The following ERGIC1 variants were observed in gnomAD, a reference collection of about 807,000 sequenced individuals.
ERGIC1 encodes endoplasmic reticulum-Golgi intermediate compartment protein 1.
A neutral mutation model predicts 38.3 loss-of-function variants in ERGIC1; 19 were observed. The ratio of observed to expected loss-of-function variants is 0.50; its 90% confidence interval spans 0.35 to 0.73. The LOEUF (loss-of-function observed/expected upper bound fraction) is 0.73, where lower values mean the gene tolerates loss of function less well. ERGIC1 is among the 30% of genes least tolerant of loss of function. The pLI is 0.01. For missense variants in ERGIC1, 294 were observed against 389.2 expected (o/e 0.76, Z 2.06); for synonymous variants, 124 against 157.6 (o/e 0.79, Z 1.60).
chr5:172,869,641 A>C (rs1312633992), intron 1 of ERGIC1, among the ~76,000 whole-genome samples: 2 of 152,234 alleles, frequency 1.3e-5, no homozygotes, highest in Non-Finnish European at 2.9e-5. Context: ...GAATCACTGT[A>C]AAAATCAAAT....
intron 1 of ERGIC1, among the ~76,000 whole-genome samples, chr5:172,843,489 A>G (rs1194144239): frequency 6.6e-6 from 1 of 152,316 alleles, no homozygotes; most frequent in East Asian, 1.9e-4. Flanking sequence ...TTTCACACCA[A>G]CATATAGAAT....
intron 1 of ERGIC1, among the ~76,000 whole-genome samples, chr5:172,836,352 C>G (rs548455604): frequency 3.3e-5 from 5 of 152,314 alleles, no homozygotes; most frequent in Admixed American, 3.3e-4. Context: ...AAATGCTCAG[C>G]TCTGAGAAGC....
At chr5:172,903,944 C>T (rs1762953558) in intron 3 of ERGIC1, among the ~76,000 whole-genome samples, 1 of 148,920 alleles carries the variant, frequency 6.7e-6, no homozygotes, top group African/African-American at 2.5e-5. Context: ...AATCGGCCCT[C>T]AAGAGAGAGA....
intron 9 of ERGIC1, among the ~76,000 whole-genome samples, chr5:172,949,105 T>TC (rs2113498175): frequency 6.6e-6 from 1 of 152,310 alleles, no homozygotes; most frequent in South Asian, 2.1e-4. Context: ...TCTTCCATCA[T>TC]CCATGCTTTG....
chr5:172,897,517 C>T (rs934915750), intron 3 of ERGIC1, among the ~76,000 whole-genome samples: 2 of 151,768 alleles, frequency 1.3e-5, no homozygotes, highest in African/African-American at 4.8e-5. Context: ...CCTGTGGCAT[C>T]GGTTGCTCTT....
At chr5:172,845,778 T>G (rs1761270466) in intron 1 of ERGIC1, among the ~76,000 whole-genome samples, 2 of 152,248 alleles carry the variant, frequency 1.3e-5, no homozygotes, top group Admixed American at 1.3e-4. Context: ...ACTAGGAAAC[T>G]GACCTTTGCT....
At chr5:172,847,180 G>A (rs914432240) in intron 1 of ERGIC1, among the ~76,000 whole-genome samples, 7 of 152,108 alleles carry the variant, frequency 4.6e-5, no homozygotes, top group African/African-American at 7.2e-5. Context: ...CCTCTGGGGT[G>A]TGCTGGATCC....
chr5:172,909,743 C>T lies in ERGIC1; in HGVS notation c.232C>T (p.Pro78Ser), dbSNP rs777795663. ...KIDVSLNISL[P>S]NLHCELVGLD... ...CGACGTCAGTCTGAACATCAGTTTA[C>T]CCAATCTGCACTGCGAGTGTGAGTA... The change falls in exon 4 of 10, where the codon CCC becomes TCC. Residue 78 changes from proline (P) to serine (S), a missense_variant. Physicochemically the swap from Pro to Ser is moderately conservative, Grantham distance 74. Coordinates refer to ENST00000393784, the MANE Select transcript of ERGIC1 (RefSeq NM_001031711.3). 3 of 1,614,056 alleles carry T rather than the reference C, an allele frequency of 1.9e-6. No individual in the cohort carries two copies. Among genetic ancestry groups the T allele is most frequent in the African/African-American group, 2.7e-5 (2 of 74,916 alleles).
intron 4 of ERGIC1, among the ~76,000 whole-genome samples, chr5:172,913,048 C>T (rs1213770578): frequency 8.8e-5 from 11 of 124,616 alleles, no homozygotes; most frequent in East Asian, 2.4e-4. Context: ...CGATTACCGG[C>T]GTGAGCCACT....
intron 1 of ERGIC1, among the ~76,000 whole-genome samples, chr5:172,838,415 G>A (rs560734761): frequency 3.2e-4 from 49 of 152,160 alleles, no homozygotes; most frequent in Non-Finnish European, 5.9e-4. Context: ...CTGCTGCAGG[G>A]CCTTGGTTTG....
chr5:172,867,850 G>T (rs568810732), intron 1 of ERGIC1, among the ~76,000 whole-genome samples: 43 of 152,276 alleles, frequency 2.8e-4, no homozygotes, highest in African/African-American at 9.6e-4. Flanking sequence ...GAATGCCAAG[G>T]GTTTTTTCTA....
At chr5:172,878,979 G>A (rs1762216542) in intron 1 of ERGIC1, among the ~76,000 whole-genome samples, 1 of 152,158 alleles carries the variant, frequency 6.6e-6, no homozygotes, top group Admixed American at 6.5e-5. Context: ...TCATCTAAAA[G>A]CCTCGATGGC....
intron 3 of ERGIC1, chr5:172,906,089 C>G (rs1404378387): frequency 8.8e-6 from 4 of 456,086 alleles, no homozygotes; most frequent in South Asian, 6.2e-5. Context: ...CTGTCATAAC[C>G]TCCTGGGCTC....
chr5:172,874,061 C>T (rs1235583345), intron 1 of ERGIC1, among the ~76,000 whole-genome samples: 1 of 152,158 alleles, frequency 6.6e-6, no homozygotes, highest in African/African-American at 2.4e-5. Flanking sequence ...GTTCATTCTA[C>T]AGTGGGGCCC....
At chr5:172,947,738 CT>C in intron 9 of ERGIC1, among the ~76,000 whole-genome samples, 1 of 152,174 alleles carries the variant, frequency 6.6e-6, no homozygotes, top group South Asian at 2.1e-4. Flanking sequence ...ATGTGCTTTC[CT>C]GTGTACCTCA....
chr5:172,904,250 G>A (rs945165752), intron 3 of ERGIC1, among the ~76,000 whole-genome samples: 1 of 152,120 alleles, frequency 6.6e-6, no homozygotes, highest in African/African-American at 2.4e-5. Context: ...GTTTACACAC[G>A]TAACCATCAC....
chr5:172,909,931 A>G lies in ERGIC1; in HGVS notation c.250+170A>G, dbSNP rs116319332. Among the ~76,000 whole-genome samples the G allele has an allele frequency of 4.0e-3, 614 of 152,336 alleles. 3 individuals carry two copies. Among genetic ancestry groups the G allele is most frequent in the African/African-American group, 0.014 (597 of 41,576 alleles). On this transcript the variant is annotated intron_variant, in intron 4 of 9. Transcript: ENST00000393784. ...TGCATGCACTTGGAGGTTTTCTGGC[A>G]TAATAAACACAAGACACTACTCATA...
At chr5:172,920,743 C>G (rs186728273) in intron 5 of ERGIC1, among the ~76,000 whole-genome samples, 2 of 152,216 alleles carry the variant, frequency 1.3e-5, no homozygotes, top group Non-Finnish European at 2.9e-5. Flanking sequence ...CCGGAGCACG[C>G]GGCCCAGGCC....
At position 172,897,036 on chromosome 5, in the gene ERGIC1, C is replaced by T. The variant is rs774256350; in HGVS notation, c.117C>T (p.Leu39=). The change falls in exon 3 of 10, where the codon CTC becomes CTT. Residue 39 remains leucine (L), a synonymous_variant. Coordinates refer to ENST00000393784, the MANE Select transcript of ERGIC1 (RefSeq NM_001031711.3). The part of the protein sequence containing the change: ...SICCCLFILF[L]FLSELTGFIT... ...GCTGCTGCCTCTTCATCCTCTTCCT[C>T]TTCCTCTCGGAGCTCACCGGATTTA... 7.4e-6 allele frequency: 12 copies of T among 1,614,068 alleles called. No homozygotes were observed. In the Admixed American group the frequency reaches 2.0e-4, roughly 27 times the overall value.
Sources: allele counts gnomAD v4.1 joint callset (sites outside exome capture counted in the v4.1 genomes callset), GRCh38; gene constraint gnomAD v4.1.1; transcripts MANE v1.5; gene names NCBI Gene and HGNC (gene_info 2026-07-23, HGNC 2026-07-21).